CREB1: variants seen among roughly 807,000 people sequenced by gnomAD.
CREB1 encodes the protein cAMP responsive element binding protein 1.
CREB1 carries 2 observed loss-of-function variants against 42.0 expected under a neutral mutation model. The observed-to-expected ratio is 0.05, with a 90% CI of 0.02 to 0.15. CREB1 has a LOEUF of 0.15. Among genes scored for constraint, CREB1 ranks in the 10% least tolerant of loss-of-function variants. The probability of loss-of-function intolerance (pLI) is 1.00; values close to 1 mark genes in which losing one functional copy is unlikely to be tolerated. For missense variants in CREB1, 199 were observed against 388.9 expected, an observed-to-expected ratio of 0.51 and a Z score of 4.11; for synonymous variants, 123 against 139.9, an observed-to-expected ratio of 0.88 and a Z score of 0.85.
At chr2:207,545,228 G>A (rs879265140) in intron 1 of CREB1, among the ~76,000 whole-genome samples, 1 of 152,022 alleles carries the variant, frequency 6.6e-6, no homozygotes, top group African/African-American at 2.4e-5. Flanking sequence ...TGTTTTGTTC[G>A]AGACAGTCTC....
chr2:207,600,289 G>C lies in CREB1; in HGVS notation c.*3231G>C, dbSNP rs2086838430. The C allele has an allele frequency of 1.7e-5, 3 of 173,474 alleles. No homozygotes were observed. In the East Asian group the frequency reaches 3.0e-4, roughly 17 times the overall value. The allele number at this position is 173,474 out of a possible 1,614,324, so 10.7% of individuals were successfully genotyped here. On this transcript the variant is annotated 3_prime_UTR_variant, in exon 8 of 8. Coordinates refer to ENST00000353267, the MANE Select transcript of CREB1 (RefSeq NM_004379.5). ...CATACAGTATATAATCTAAAGCTCT[G>C]AGAGCTCTTAAGTCAGGAATGCTGA...
intron 5 of CREB1, 41 bp from the exon 6 acceptor site, chr2:207,575,231 A>G: frequency 6.4e-7 from 1 of 1,565,704 alleles, no homozygotes; most frequent in Non-Finnish European, 8.7e-7. Context: ...AAAGTCTTAT[A>G]TGGTATTAAA....
chr2:207,594,834 C>G (rs1034672689), intron 7 of CREB1, among the ~76,000 whole-genome samples: 1 of 152,110 alleles, frequency 6.6e-6, no homozygotes, highest in African/African-American at 2.4e-5. Flanking sequence ...TACATTCCTA[C>G]CAACAGTACA....
In CREB1 at chr2:207,600,275, T is replaced by C. The variant is rs1352100790; in HGVS notation, c.*3217T>C. 5.9e-6 allele frequency: 1 copy of C among 169,658 alleles called. No individual in the cohort carries two copies. The highest frequency in any genetic ancestry group is 1.3e-5 in the Non-Finnish European group (1 of 79,402). The allele number at this position is 169,658 out of a possible 1,614,324, so 10.5% of individuals were successfully genotyped here. On this transcript the variant is annotated 3_prime_UTR_variant, in exon 8 of 8. Coordinates refer to ENST00000353267, the MANE Select transcript of CREB1 (RefSeq NM_004379.5). ...TATATATATATATACATACAGTATA[T>C]AATCTAAAGCTCTGAGAGCTCTTAA...
chr2:207,578,621 C>G (rs2082684739), intron 7 of CREB1, among the ~76,000 whole-genome samples: 1 of 152,142 alleles, frequency 6.6e-6, no homozygotes, highest in Admixed American at 6.5e-5. Context: ...AACTGTAGTG[C>G]TCTGTTGAAA....
intron 7 of CREB1, among the ~76,000 whole-genome samples, chr2:207,591,275 C>T (rs2084976258): frequency 6.6e-6 from 1 of 152,198 alleles, no homozygotes; most frequent in African/African-American, 2.4e-5. Context: ...GCTTTTGCCT[C>T]ATACAGGAGA....
intron 5 of CREB1, among the ~76,000 whole-genome samples, chr2:207,573,663 T>G (rs1391028357): frequency 6.6e-6 from 1 of 152,150 alleles, no homozygotes; most frequent in Non-Finnish European, 1.5e-5. Flanking sequence ...AGCCCACCAG[T>G]TGGAGGCTAC....
chr2:207,539,207 ATTT>A (rs528614868), intron 1 of CREB1, among the ~76,000 whole-genome samples: 2 of 132,974 alleles, frequency 1.5e-5, no homozygotes, highest in Non-Finnish European at 1.6e-5. Flanking sequence ...TACCTGGCTA[ATTT>A]TTTTTTTTTT....
intron 7 of CREB1, among the ~76,000 whole-genome samples, chr2:207,583,178 G>A (rs1169864092): frequency 1.3e-5 from 2 of 152,032 alleles, no homozygotes; most frequent in Non-Finnish European, 2.9e-5. Context: ...TAGGTTATAT[G>A]CAAATATAAT....
At chr2:207,555,777 T>C (rs755413097) in intron 2 of CREB1, 28 bp downstream of exon 2, 2 of 1,421,828 alleles carry the variant, frequency 1.4e-6, no homozygotes, top group Non-Finnish European at 2.0e-6. Context: ...AGATTCCAGT[T>C]TGTGTCTCTT....
At chr2:207,555,879 A>G (rs2081700006) in intron 2 of CREB1, 130 bp downstream of exon 2, 2 of 590,858 alleles carry the variant, frequency 3.4e-6, no homozygotes, top group Non-Finnish European at 6.2e-6. Flanking sequence ...CAAAATTCCT[A>G]TTTACTTAGT....
At chr2:207,561,303 C>T (rs2081948053) in intron 3 of CREB1, 1 of 685,502 alleles carries the variant, frequency 1.5e-6, no homozygotes. Context: ...TGGGTCTAGG[C>T]CATACTTGTT....
intron 7 of CREB1, among the ~76,000 whole-genome samples, chr2:207,579,601 C>G (rs76864181): frequency 0.014 from 2,090 of 152,290 alleles, 31 homozygotes; most frequent in African/African-American, 0.035. Context: ...TGCCTGAGAT[C>G]TTCAGGGAAA....
chr2:207,562,068 A>G (rs1036671271), intron 3 of CREB1, among the ~76,000 whole-genome samples: 3 of 152,234 alleles, frequency 2.0e-5, no homozygotes, highest in Admixed American at 1.3e-4. Flanking sequence ...TGATATTTCT[A>G]TGAAATCACA....
chr2:207,551,652 T>C (rs905837813), intron 1 of CREB1, among the ~76,000 whole-genome samples: 16 of 152,190 alleles, frequency 1.1e-4, no homozygotes, highest in Non-Finnish European at 2.4e-4. Context: ...TATTAGTATA[T>C]AGTAAAAGGA....
chr2:207,540,416 G>T (rs1473877787), intron 1 of CREB1, among the ~76,000 whole-genome samples: 1 of 151,820 alleles, frequency 6.6e-6, no homozygotes, highest in African/African-American at 2.4e-5. Flanking sequence ...TGAGTCAGGC[G>T]GGTTGCTTGA....
At chr2:207,586,056 A>G (rs1300432483) in intron 7 of CREB1, among the ~76,000 whole-genome samples, 1 of 152,188 alleles carries the variant, frequency 6.6e-6, no homozygotes, top group African/African-American at 2.4e-5. Flanking sequence ...AGGCCTTTCT[A>G]AGACACACTA....
At chr2:207,570,120 G>T (rs1473311270) in intron 4 of CREB1, 59 bp from the exon 5 acceptor site, 52 of 1,115,902 alleles carry the variant, frequency 4.7e-5, no homozygotes, top group East Asian at 1.6e-4. Flanking sequence ...AACTATATTT[G>T]TATTTAGCCA....
chr2:207,548,585 T>A lies in CREB1; in HGVS notation c.-8-7043T>A, dbSNP rs567543610. Among the ~76,000 whole-genome samples, 719 of 152,188 alleles carry A rather than the reference T, an allele frequency of 4.7e-3. 2 individuals carry two copies. Among genetic ancestry groups the A allele is most frequent in the Non-Finnish European group, 7.1e-3 (485 of 68,002 alleles). On this transcript the variant is annotated intron_variant, in intron 1 of 7. Transcript: ENST00000353267. ...GGCCAACATGGTGAAACCCTGTCTC[T>A]ACTAAAAATACAAAAATTAGCCAGG...
Sources: gnomAD v4.1 joint callset for allele counts (sites outside exome capture counted in the v4.1 genomes callset) on GRCh38, gnomAD v4.1.1 for gene constraint, MANE v1.5 for transcripts, NCBI Gene and HGNC (gene_info 2026-07-23, HGNC 2026-07-21) for gene names.